ZBTB16: variants seen among roughly 807,000 people sequenced by gnomAD.
ZBTB16 encodes the protein zinc finger and BTB domain-containing protein 16.
ZBTB16 carries 8 observed loss-of-function variants against 56.8 expected under a neutral mutation model. The ratio of observed to expected loss-of-function variants is 0.14; its 90% confidence interval spans 0.08 to 0.25. The LOEUF is 0.25. Among genes scored for constraint, ZBTB16 ranks in the 10% least tolerant of loss-of-function variants. The probability of loss-of-function intolerance (pLI) is 1.00; values close to 1 mark genes in which losing one functional copy is unlikely to be tolerated. For missense variants in ZBTB16, 625 were observed against 903.0 expected (o/e 0.69, Z 3.95); for synonymous variants, 363 against 368.5 (o/e 0.98, Z 0.17).
intron 2 of ZBTB16, among the ~76,000 whole-genome samples, chr11:114,112,595 A>G (rs1027631997): frequency 1.3e-5 from 2 of 152,126 alleles, no homozygotes; most frequent in African/African-American, 4.8e-5. Context: ...TCCTTTTGGC[A>G]TGTACTTGAA....
chr11:114,223,914 G>T, intron 4 of ZBTB16, among the ~76,000 whole-genome samples: 1 of 152,294 alleles, frequency 6.6e-6, no homozygotes, highest in African/African-American at 2.4e-5. Flanking sequence ...CCAGAGTAGG[G>T]AGAGAGTAAG....
At chr11:114,085,911 G>A (rs188346289) in intron 2 of ZBTB16, among the ~76,000 whole-genome samples, 3 of 152,270 alleles carry the variant, frequency 2.0e-5, no homozygotes, top group South Asian at 2.1e-4. Context: ...GGATCATTGC[G>A]ATATTATTGG....
chr11:114,236,034 T>C (rs953560130), intron 4 of ZBTB16, among the ~76,000 whole-genome samples: 3 of 152,176 alleles, frequency 2.0e-5, no homozygotes, highest in Middle Eastern at 3.4e-3. Flanking sequence ...CTTTTCCTAC[T>C]TCAGATTCCC....
intron 2 of ZBTB16, among the ~76,000 whole-genome samples, chr11:114,139,119 G>A (rs1941877814): frequency 6.6e-6 from 1 of 152,188 alleles, no homozygotes; most frequent in Non-Finnish European, 1.5e-5. Flanking sequence ...ATTTTGTGAG[G>A]ATTTGTACAA....
chr11:114,134,459 T>A (rs1160009740), intron 2 of ZBTB16, among the ~76,000 whole-genome samples: 1 of 152,138 alleles, frequency 6.6e-6, no homozygotes, highest in Non-Finnish European at 1.5e-5. Context: ...AGAAGCTCAT[T>A]TGTCTCTTAA....
rs968196740 is a variant in ZBTB16 at position 114,251,389 on chromosome 11, C to T, written c.*834C>T. On this transcript the variant is annotated 3_prime_UTR_variant, in exon 7 of 7. Transcript: ENST00000335953. ...TCCAATACCCCACCCTAGTCCAGCA[C>T]CATCGTGAGCAAGATTCCTGCTGCG... Among the ~76,000 whole-genome samples the T allele has an allele frequency of 2.0e-5, 3 of 152,206 alleles. No individual in the cohort carries two copies. The highest frequency in any genetic ancestry group is 4.4e-5 in the Non-Finnish European group (3 of 68,036).
intron 2 of ZBTB16, among the ~76,000 whole-genome samples, chr11:114,103,734 A>C (rs992674713): frequency 6.6e-6 from 1 of 152,036 alleles, no homozygotes; most frequent in Non-Finnish European, 1.5e-5. Context: ...GGTAACGTTT[A>C]ACCCATCCTG....
rs182657100 is a variant in ZBTB16 at position 114,186,901 on chromosome 11, G to A, written c.1367-51G>A. The A allele has an allele frequency of 7.9e-5, 124 of 1,578,590 alleles. No individual in the cohort carries two copies. In the East Asian group the frequency reaches 1.4e-3, roughly 18 times the overall value. On this transcript the variant is annotated intron_variant, in intron 3 of 6. Transcript: ENST00000335953. ...CACAGTTGTGGCCCAGGACCTCCCC[G>A]CTCACCAGTGGACTATTGCTCTAGT...
rs1237904597 is a variant in ZBTB16 at position 114,064,883 on chromosome 11, G to A, written c.1268+315G>A. ...CTGTTTGGTCTGTTCTCCTTTGCTT[G>A]GAGTGACTGATAAAATGGAGAGAAG... On this transcript the variant is annotated intron_variant, in intron 2 of 6. Coordinates refer to ENST00000335953, the MANE Select transcript of ZBTB16 (RefSeq NM_006006.6). The surrounding 1 kb of genome is among the most constrained non-coding windows in gnomAD (Gnocchi z 4.2). Among the ~76,000 whole-genome samples, 1 of 152,034 alleles carries A rather than the reference G, an allele frequency of 6.6e-6. No individual in the cohort carries two copies. The highest frequency in any genetic ancestry group is 2.4e-5 in the African/African-American group (1 of 41,384).
At position 114,064,574 on chromosome 11, in the gene ZBTB16, C is replaced by T. The variant is rs771076847; in HGVS notation, c.1268+6C>T. 2.7e-5 allele frequency: 44 copies of T among 1,613,250 alleles called. 1 individual carries two copies. In the East Asian group the frequency reaches 6.7e-4, roughly 25 times the overall value. ...GAGGCTGTGGAGCAGCACAGGTAGG[C>T]CCCGCTCCAGCCCCGCACCTGATGT... On this transcript the variant is annotated splice_donor_region_variant and intron_variant, in intron 2 of 6. Coordinates refer to ENST00000335953, the MANE Select transcript of ZBTB16 (RefSeq NM_006006.6). This position sits in a 1 kb window ranked among gnomAD's most constrained non-coding sequence, Gnocchi z 4.2.
rs142012889 is a variant in ZBTB16 at position 114,235,492 on chromosome 11, G to A, written c.1454-6675G>A. Among the ~76,000 whole-genome samples the A allele has an allele frequency of 2.4e-3, 367 of 152,244 alleles. 1 individual carries two copies. The highest frequency in any genetic ancestry group is 8.6e-3 in the African/African-American group (359 of 41,544). ...AAATGGCACAGGTGTAAACATGAGG[G>A]GTTTTGTGTTTCATAATTTCAGACC... On this transcript the variant is annotated intron_variant, in intron 4 of 6. Transcript: ENST00000335953.
chr11:114,189,299 A>C (rs1943436858), intron 4 of ZBTB16: 1 of 152,238 alleles, frequency 6.6e-6, no homozygotes, highest in African/African-American at 2.4e-5. Flanking sequence ...CCAAAGATAG[A>C]CAAATAGCCA....
intron 3 of ZBTB16, among the ~76,000 whole-genome samples, chr11:114,178,349 A>G (rs1943168517): frequency 6.6e-6 from 1 of 152,192 alleles, no homozygotes; most frequent in African/African-American, 2.4e-5. Context: ...TCATCCCTCA[A>G]CCAACCCTGT....
intron 2 of ZBTB16, among the ~76,000 whole-genome samples, chr11:114,128,176 C>G (rs1443468588): frequency 1.3e-5 from 2 of 152,218 alleles, no homozygotes; most frequent in Non-Finnish European, 1.5e-5. Context: ...ACCATTGCAG[C>G]CATGGGCGAG....
intron 4 of ZBTB16, among the ~76,000 whole-genome samples, chr11:114,199,834 A>T (rs1477851167): frequency 1.3e-5 from 2 of 152,158 alleles, no homozygotes; most frequent in Non-Finnish European, 2.9e-5. Flanking sequence ...ACTACATAAA[A>T]CCATACATGT....
At chr11:114,078,510 T>C (rs1784692) in intron 2 of ZBTB16, among the ~76,000 whole-genome samples, 25,806 of 152,184 alleles carry the variant, frequency 0.17, 2,286 homozygotes, top group Middle Eastern at 0.29. Flanking sequence ...CAAAAGAGTT[T>C]AGACTGGCTG....
intron 2 of ZBTB16, among the ~76,000 whole-genome samples, chr11:114,144,577 G>T (rs983298930): frequency 1.3e-5 from 2 of 152,180 alleles, no homozygotes; most frequent in Non-Finnish European, 2.9e-5. Context: ...GCTTCTTGCC[G>T]CAGCCTGCTG....
At position 114,202,792 on chromosome 11, in the gene ZBTB16, G is replaced by A. The variant is rs574934084; in HGVS notation, c.1453+15754G>A. Among the ~76,000 whole-genome samples the A allele has an allele frequency of 6.0e-4, 91 of 152,292 alleles. 1 individual carries two copies. The highest frequency in any genetic ancestry group is 2.0e-3 in the African/African-American group (83 of 41,576). ...AGAGGGGAATGCAGTAAAAGTGTGT[G>A]TGTGAGATTGGAGTGTGGCAAGGAC... is the stretch of plus-strand genomic sequence containing the variant. On this transcript the variant is annotated intron_variant, in intron 4 of 6. Coordinates refer to ENST00000335953, the MANE Select transcript of ZBTB16 (RefSeq NM_006006.6).
chr11:114,190,861 A>C (rs1291196597), intron 4 of ZBTB16, among the ~76,000 whole-genome samples: 5 of 152,148 alleles, frequency 3.3e-5, no homozygotes, highest in Admixed American at 1.3e-4. Flanking sequence ...AGACTGGGTA[A>C]TTTACAAAGA....
Sources: gnomAD v4.1 joint callset for allele counts (sites outside exome capture counted in the v4.1 genomes callset) on GRCh38, gnomAD v4.1.1 for gene constraint, Gnocchi (gnomAD v3.1) non-coding constraint, MANE v1.5 for transcripts, NCBI Gene and HGNC (gene_info 2026-07-23, HGNC 2026-07-21) for gene names.